DPP10: variants seen among roughly 807,000 people sequenced by gnomAD.
DPP10 encodes the protein dipeptidyl peptidase like 10, also known as inactive dipeptidyl peptidase 10.
DPP10 carries 33 observed loss-of-function variants against 120.9 expected under a neutral mutation model. The ratio of observed to expected loss-of-function variants is 0.27; its 90% CI spans 0.21 to 0.37. The LOEUF (loss-of-function observed/expected upper bound fraction) is 0.37. Among genes scored for constraint, DPP10 ranks in the 10% least tolerant of loss-of-function variants. The pLI, the probability that DPP10 is intolerant of heterozygous loss-of-function variation, is 1.00. For missense variants in DPP10, 816 were observed against 942.8 expected, an observed-to-expected ratio of 0.87 and a Z score of 1.76; for synonymous variants, 337 against 326.1, an observed-to-expected ratio of 1.03 and a Z score of -0.36.
At chr2:114,975,041 G>A (rs1699657845) in intron 1 of DPP10, among the ~76,000 whole-genome samples, 1 of 150,696 alleles carries the variant, frequency 6.6e-6, no homozygotes, top group African/African-American at 2.4e-5. Flanking sequence ...AGAAGGATTT[G>A]CTTTTTTTTT....
rs181459566 is a variant in DPP10, at chr2:114,868,566, T to C, written c.60+425728T>C. The stretch of plus-strand genomic sequence containing the variant: ...AACTCCAAGAGACAAGGAATACATA[T>C]ACAAGGACACACACTTGGTACGGTC... On this transcript the variant is annotated intron_variant, in intron 1 of 25. Coordinates refer to ENST00000410059, the MANE Select transcript of DPP10 (RefSeq NM_020868.6). 2.0e-3 allele frequency among the ~76,000 whole-genome samples: 307 copies of C among 152,204 alleles called. 1 individual carries two copies. The highest frequency in any genetic ancestry group is 9.1e-4 in the Non-Finnish European group (62 of 68,026).
At chr2:115,385,878 T>A (rs1187932194) in intron 3 of DPP10, among the ~76,000 whole-genome samples, 1 of 152,182 alleles carries the variant, frequency 6.6e-6, no homozygotes, top group Non-Finnish European at 1.5e-5. Context: ...ATCTTTCCAC[T>A]CCTACATAAG....
chr2:115,589,985 A>G (rs200801446), intron 5 of DPP10, among the ~76,000 whole-genome samples: 2 of 152,142 alleles, frequency 1.3e-5, no homozygotes, highest in East Asian at 1.9e-4. Flanking sequence ...CTAACCCTCT[A>G]ACACTTTGAA....
intron 2 of DPP10, among the ~76,000 whole-genome samples, chr2:115,310,892 T>G (rs2061549632): frequency 6.6e-6 from 1 of 152,198 alleles, no homozygotes; most frequent in Admixed American, 6.5e-5. Context: ...TCTTTTTCTT[T>G]CATCCTGGTT....
In DPP10 at chr2:115,637,183, T is replaced by A. The variant is rs553395544; in HGVS notation, c.442-52504T>A. 2.0e-5 allele frequency among the ~76,000 whole-genome samples: 3 copies of A among 152,278 alleles called. No individual in the cohort carries two copies. The East Asian group carries it at 5.8e-4, about 29-fold the overall frequency. On this transcript the variant is annotated intron_variant, in intron 5 of 25. Coordinates refer to ENST00000410059, the MANE Select transcript of DPP10 (RefSeq NM_020868.6). ...GATACAAAAAGAAATTATGAGCAAT[T>A]ATATTGGCAAAAATGTGACTAAATC...
intron 1 of DPP10, among the ~76,000 whole-genome samples, chr2:114,837,669 A>G (rs1477547832): frequency 6.6e-6 from 1 of 152,196 alleles, no homozygotes; most frequent in Non-Finnish European, 1.5e-5. Context: ...AGGCTCATCT[A>G]TGCTGTAGTA....
At chr2:115,553,436 A>C (rs2080002633) in intron 5 of DPP10, among the ~76,000 whole-genome samples, 1 of 152,102 alleles carries the variant, frequency 6.6e-6, no homozygotes. Context: ...GCTGTTTTCA[A>C]ATCTGTCATT....
At chr2:115,479,327 A>G (rs1291585155) in intron 3 of DPP10, among the ~76,000 whole-genome samples, 4 of 152,170 alleles carry the variant, frequency 2.6e-5, no homozygotes, top group African/African-American at 7.2e-5. Flanking sequence ...CAAATACTGT[A>G]TGACTTTATT....
At chr2:115,303,643 T>A (rs559683506) in intron 1 of DPP10, among the ~76,000 whole-genome samples, 1 of 152,062 alleles carries the variant, frequency 6.6e-6, no homozygotes, top group South Asian at 2.1e-4. Context: ...AATTTTATGA[T>A]TTATTCTTTT....
intron 2 of DPP10, among the ~76,000 whole-genome samples, chr2:115,321,274 C>T (rs752735184): frequency 8.5e-5 from 13 of 152,218 alleles, no homozygotes; most frequent in Non-Finnish European, 1.6e-4. Flanking sequence ...GCACTCCAGC[C>T]TGGGCAACAA....
At chr2:115,286,627 T>C (rs1394497718) in intron 1 of DPP10, among the ~76,000 whole-genome samples, 1 of 145,502 alleles carries the variant, frequency 6.9e-6, no homozygotes, top group Non-Finnish European at 1.5e-5. Context: ...AATGAGATTG[T>C]GGGGTGTGTG....
intron 4 of DPP10, among the ~76,000 whole-genome samples, chr2:115,511,731 CTTT>C (rs61236857): frequency 1.2e-5 from 1 of 82,632 alleles, no homozygotes; most frequent in Non-Finnish European, 2.1e-5. Context: ...TCTTCTTCTT[CTTT>C]TTTTTTTTTT....
intron 1 of DPP10, among the ~76,000 whole-genome samples, chr2:114,894,614 A>C (rs541754222): frequency 6.6e-6 from 1 of 152,326 alleles, no homozygotes; most frequent in East Asian, 1.9e-4. Flanking sequence ...GAGCTGTAAT[A>C]GTTACTTTTC....
At chr2:115,006,014 A>G (rs1019369428) in intron 1 of DPP10, among the ~76,000 whole-genome samples, 8 of 152,068 alleles carry the variant, frequency 5.3e-5, no homozygotes, top group Non-Finnish European at 1.2e-4. Context: ...CTAACAGTGG[A>G]TCTCTTGGCA....
intron 1 of DPP10, among the ~76,000 whole-genome samples, chr2:114,452,577 C>T (rs371464422): frequency 2.0e-5 from 3 of 152,014 alleles, no homozygotes; most frequent in African/African-American, 7.2e-5. Flanking sequence ...TAAACAGGAA[C>T]CACACTTATG....
At chr2:114,913,496 T>A (rs1268567441) in intron 1 of DPP10, among the ~76,000 whole-genome samples, 1 of 152,174 alleles carries the variant, frequency 6.6e-6, no homozygotes, top group Non-Finnish European at 1.5e-5. Context: ...GAGCTGAGCC[T>A]TGACTCCGTG....
chr2:115,171,852 C>T (rs2053366858), intron 1 of DPP10, among the ~76,000 whole-genome samples: 1 of 152,140 alleles, frequency 6.6e-6, no homozygotes, highest in Admixed American at 6.5e-5. Flanking sequence ...GGCACCTGGC[C>T]ACCAGACATC....
At chr2:115,300,880 A>G (rs2061095477) in intron 1 of DPP10, among the ~76,000 whole-genome samples, 1 of 151,894 alleles carries the variant, frequency 6.6e-6, no homozygotes, top group South Asian at 2.1e-4. Flanking sequence ...AAAGGGCTGG[A>G]TTTCCCTGTT....
At chr2:114,496,089 A>G (rs868726967) in intron 1 of DPP10, among the ~76,000 whole-genome samples, 28 of 152,310 alleles carry the variant, frequency 1.8e-4, no homozygotes, top group Middle Eastern at 6.8e-3. Flanking sequence ...CAAGTACTGA[A>G]GGACTAGATT....
Sources: gnomAD v4.1 joint callset for allele counts (sites outside exome capture counted in the v4.1 genomes callset) on GRCh38, gnomAD v4.1.1 for gene constraint, MANE v1.5 for transcripts, NCBI Gene and HGNC (gene_info 2026-07-23, HGNC 2026-07-21) for gene names.